Variants in SPTLC2 observed in about 807,000 individuals in gnomAD.
The protein encoded by SPTLC2 is serine palmitoyltransferase long chain base subunit 2.
In SPTLC2, 21 loss-of-function variants were observed where a neutral mutation model predicts 62.0. That is an observed-to-expected ratio of 0.34 (90% confidence interval 0.24 to 0.49). SPTLC2 has a LOEUF of 0.49. Among genes scored for constraint, SPTLC2 ranks in the 20% least tolerant of loss-of-function variants. SPTLC2 has a pLI of 0.99. For missense variants in SPTLC2, 511 were observed against 713.0 expected, an observed-to-expected ratio of 0.72 and a Z score of 3.23; for synonymous variants, 261 against 261.8, an observed-to-expected ratio of 1.00 and a Z score of 0.03.
intron 5 of SPTLC2, among the ~76,000 whole-genome samples, chr14:77,569,679 G>GA (rs2079666263): frequency 6.7e-6 from 1 of 150,146 alleles, no homozygotes; most frequent in Non-Finnish European, 1.5e-5. Context: ...CTTTCAGGAT[G>GA]AGAGTACCAA....
chr14:77,550,551 A>G (rs1186242750), intron 9 of SPTLC2, among the ~76,000 whole-genome samples: 3 of 151,994 alleles, frequency 2.0e-5, no homozygotes, highest in Non-Finnish European at 4.4e-5. Flanking sequence ...CTCCAGCCTG[A>G]GCAACAAGAG....
At chr14:77,606,089 T>C (rs2079903291) in intron 1 of SPTLC2, among the ~76,000 whole-genome samples, 1 of 152,250 alleles carries the variant, frequency 6.6e-6, no homozygotes, top group Non-Finnish European at 1.5e-5. Flanking sequence ...TCCAGCATTT[T>C]GGGAGGCCGA....
intron 11 of SPTLC2, among the ~76,000 whole-genome samples, chr14:77,516,850 G>C (rs879806811): frequency 6.6e-6 from 1 of 152,198 alleles, no homozygotes; most frequent in Non-Finnish European, 1.5e-5. Context: ...TTGCTGTGTA[G>C]AAACAGAGAA....
intron 9 of SPTLC2, among the ~76,000 whole-genome samples, chr14:77,529,319 A>G (rs2079425026): frequency 6.6e-6 from 1 of 150,582 alleles, no homozygotes; most frequent in South Asian, 2.1e-4. Context: ...AGGACATGAC[A>G]AAGTATGTTC....
chr14:77,587,317 A>T (rs1389041720), intron 2 of SPTLC2, among the ~76,000 whole-genome samples: 2 of 152,190 alleles, frequency 1.3e-5, no homozygotes, highest in Admixed American at 1.3e-4. Context: ...ATCTAGTGAA[A>T]CTGAAGACAT....
At chr14:77,601,537 C>G (rs1363636522) in intron 1 of SPTLC2, among the ~76,000 whole-genome samples, 1 of 150,082 alleles carries the variant, frequency 6.7e-6, no homozygotes, top group Non-Finnish European at 1.5e-5. Context: ...TCACACAAAG[C>G]CTGTTTGGGG....
intron 9 of SPTLC2, among the ~76,000 whole-genome samples, chr14:77,522,705 G>A (rs924465055): frequency 2.6e-5 from 4 of 152,126 alleles, no homozygotes; most frequent in African/African-American, 9.7e-5. Flanking sequence ...TAAAAGATCT[G>A]CTTGGAAAGG....
At chr14:77,553,518 T>C (rs1042377015) in intron 8 of SPTLC2, among the ~76,000 whole-genome samples, 14 of 151,818 alleles carry the variant, frequency 9.2e-5, no homozygotes, top group Admixed American at 2.6e-4. Flanking sequence ...GATCACGAGG[T>C]CAAGAGATCG....
At chr14:77,555,617 C>A in intron 7 of SPTLC2, 98 bp from the exon 8 acceptor site, 2 of 1,206,196 alleles carry the variant, frequency 1.7e-6, no homozygotes, top group Admixed American at 2.1e-5. Context: ...GAGTTTACTG[C>A]TTCTTTTTTT....
chr14:77,580,293 G>A (rs1434450519), intron 2 of SPTLC2, among the ~76,000 whole-genome samples: 3 of 151,938 alleles, frequency 2.0e-5, no homozygotes, highest in African/African-American at 4.8e-5. Context: ...GACCAGCCTG[G>A]CCAACATGGC....
At chr14:77,560,529 C>T (rs956982661) in intron 6 of SPTLC2, among the ~76,000 whole-genome samples, 3 of 151,886 alleles carry the variant, frequency 2.0e-5, no homozygotes, top group African/African-American at 4.8e-5. Flanking sequence ...ATGGGAGGAT[C>T]GGTTGAGCTG....
chr14:77,566,473 G>GT (rs2079645436), intron 5 of SPTLC2, among the ~76,000 whole-genome samples: 1 of 152,198 alleles, frequency 6.6e-6, no homozygotes, highest in Admixed American at 6.5e-5. Context: ...CACAAGCACA[G>GT]TAACAAAATA....
At chr14:77,595,843 C>T (rs2140055002) in intron 2 of SPTLC2, among the ~76,000 whole-genome samples, 1 of 152,282 alleles carries the variant, frequency 6.6e-6, no homozygotes, top group African/African-American at 2.4e-5. Flanking sequence ...GTCTTAAGTC[C>T]TTCTCTAATC....
chr14:77,541,705 G>T (rs1204676420), intron 9 of SPTLC2, among the ~76,000 whole-genome samples: 1 of 152,138 alleles, frequency 6.6e-6, no homozygotes, highest in South Asian at 2.1e-4. Flanking sequence ...ACACTTTCCA[G>T]ATCAGTAAAT....
At chr14:77,553,709 A>T (rs2140019067) in intron 8 of SPTLC2, among the ~76,000 whole-genome samples, 1 of 139,008 alleles carries the variant, frequency 7.2e-6, no homozygotes, top group East Asian at 2.1e-4. Context: ...CCAGCCTGGC[A>T]ATGGAGTAAG....
chr14:77,522,266 C>T (rs377384602), intron 9 of SPTLC2, among the ~76,000 whole-genome samples: 2 of 151,924 alleles, frequency 1.3e-5, no homozygotes, highest in Admixed American at 6.6e-5. Context: ...CGGGTTCAAG[C>T]GATTCTCCTG....
Position 77,506,647 on chromosome 14 carries a change from T to G in SPTLC2, c.*5637A>C, listed in dbSNP as rs1220780762. ...CGCCACCCTAGTCAGTGACATGTAC[T>G]CCACTTTCCAGGAAGACCTGGGCCA... On this transcript the variant is annotated 3_prime_UTR_variant, in exon 12 of 12. Transcript: ENST00000216484. 1 of 152,234 alleles carries G rather than the reference T, an allele frequency of 6.6e-6. No individual in the cohort carries two copies. The highest frequency in any genetic ancestry group is 1.5e-5 in the Non-Finnish European group (1 of 68,040). 9.4% of individuals were successfully genotyped at this position (152,234 alleles called of 1,614,324 possible). A position where few individuals can be genotyped will look rare whatever the true frequency, so the allele number is the denominator to read the frequency against.
intron 11 of SPTLC2, among the ~76,000 whole-genome samples, chr14:77,516,018 A>ACG (rs2079357544): frequency 8.2e-5 from 2 of 24,338 alleles, no homozygotes; most frequent in Non-Finnish European, 4.6e-4. Context: ...GCGCGCGCGC[A>ACG]TGTGTGTGTG....
chr14:77,603,647 A>G (rs765134851), intron 1 of SPTLC2, among the ~76,000 whole-genome samples: 2 of 152,236 alleles, frequency 1.3e-5, no homozygotes, highest in Non-Finnish European at 2.9e-5. Context: ...GTGGAATGGA[A>G]TGAAAAATGT....
Sources: allele counts gnomAD v4.1 joint callset (sites outside exome capture counted in the v4.1 genomes callset), GRCh38; gene constraint gnomAD v4.1.1; transcripts MANE v1.5; gene names NCBI Gene and HGNC (gene_info 2026-07-23, HGNC 2026-07-21).